SLC35F3: variants seen among roughly 807,000 people sequenced by gnomAD.
SLC35F3 encodes the protein putative thiamine transporter SLC35F3.
Under a neutral mutation model 49.9 loss-of-function variants are expected in SLC35F3, and 25 were observed. The observed-to-expected ratio is 0.50, with a 90% CI of 0.37 to 0.70. The LOEUF (loss-of-function observed/expected upper bound fraction) is 0.70, where lower values mean the gene tolerates loss of function less well. Among genes scored for constraint, SLC35F3 ranks in the 30% least tolerant of loss-of-function variants. The pLI is 0.00. For missense variants in SLC35F3, 525 were observed against 639.8 expected, an observed-to-expected ratio of 0.82 and a Z score of 1.94; for synonymous variants, 275 against 265.4, an observed-to-expected ratio of 1.04 and a Z score of -0.35.
intron 2 of SLC35F3, among the ~76,000 whole-genome samples, chr1:233,944,969 T>A (rs1328645423): frequency 6.6e-6 from 1 of 151,910 alleles, no homozygotes; most frequent in Non-Finnish European, 1.5e-5. Flanking sequence ...TGGTTGTGCA[T>A]CCTAGGAGGT....
chr1:234,058,302 AT>A (rs1664485138), intron 2 of SLC35F3, among the ~76,000 whole-genome samples: 1 of 105,262 alleles, frequency 9.5e-6, no homozygotes, highest in East Asian at 3.0e-4. Context: ...GTTATGGTGT[AT>A]AATTGTCTTT....
intron 2 of SLC35F3, among the ~76,000 whole-genome samples, chr1:234,173,657 G>C (rs1049396717): frequency 6.6e-6 from 1 of 152,224 alleles, no homozygotes; most frequent in African/African-American, 2.4e-5. Context: ...CCACAATGTG[G>C]ATTCGAATGC....
At chr1:234,116,384 A>G (rs1029928897) in intron 2 of SLC35F3, among the ~76,000 whole-genome samples, 3 of 152,074 alleles carry the variant, frequency 2.0e-5, no homozygotes, top group Admixed American at 6.5e-5. Context: ...GACCAAATAA[A>G]TATTTCTTAT....
intron 2 of SLC35F3, among the ~76,000 whole-genome samples, chr1:234,071,181 A>G (rs1001861938): frequency 1.3e-5 from 2 of 152,238 alleles, no homozygotes; most frequent in South Asian, 2.1e-4. Context: ...GAATCTATCA[A>G]TAATATCGCT....
At chr1:233,954,504 C>T (rs1249814880) in intron 2 of SLC35F3, among the ~76,000 whole-genome samples, 1 of 152,216 alleles carries the variant, frequency 6.6e-6, no homozygotes, top group Non-Finnish European at 1.5e-5. Flanking sequence ...CTCCTTGTCA[C>T]TCTAATGTGA....
intron 2 of SLC35F3, among the ~76,000 whole-genome samples, chr1:233,930,313 G>A (rs1213102734): frequency 6.6e-6 from 1 of 152,156 alleles, no homozygotes; most frequent in East Asian, 1.9e-4. Context: ...CTAATGAACA[G>A]AATTGTCTCT....
intron 2 of SLC35F3, among the ~76,000 whole-genome samples, chr1:233,909,201 G>A (rs1661829713): frequency 6.6e-6 from 1 of 152,122 alleles, no homozygotes; most frequent in African/African-American, 2.4e-5. Flanking sequence ...GGTCTGAAAG[G>A]GATGGCTTTT....
intron 2 of SLC35F3, among the ~76,000 whole-genome samples, chr1:234,075,755 AGCT>A (rs1664781558): frequency 1.3e-5 from 2 of 152,254 alleles, no homozygotes; most frequent in Non-Finnish European, 2.9e-5. Flanking sequence ...TCTTGCAAGA[AGCT>A]GCCTTTCCTT....
At chr1:233,921,855 C>A (rs1014515115) in intron 2 of SLC35F3, among the ~76,000 whole-genome samples, 32 of 149,884 alleles carry the variant, frequency 2.1e-4, no homozygotes, top group Non-Finnish European at 3.8e-4. Context: ...TACAAGTGTC[C>A]ATTGTTCAAT....
chr1:234,103,414 G>A (rs1665241076), intron 2 of SLC35F3, among the ~76,000 whole-genome samples: 1 of 152,130 alleles, frequency 6.6e-6, no homozygotes, highest in African/African-American at 2.4e-5. Context: ...GGGTGAGGTG[G>A]CCGAGTCCAC....
chr1:234,149,360 T>C (rs143242450), intron 2 of SLC35F3, among the ~76,000 whole-genome samples: 105 of 152,354 alleles, frequency 6.9e-4, no homozygotes, highest in African/African-American at 2.4e-3. Context: ...GCGTAATCTT[T>C]CTCACAGCGC....
intron 2 of SLC35F3, among the ~76,000 whole-genome samples, chr1:233,936,133 A>C (rs985461928): frequency 6.6e-6 from 1 of 152,248 alleles, no homozygotes; most frequent in African/African-American, 2.4e-5. Flanking sequence ...GCTGGTAAAA[A>C]GACCAGAGAA....
chr1:234,069,383 A>G (rs1268181761), intron 2 of SLC35F3, among the ~76,000 whole-genome samples: 1 of 150,906 alleles, frequency 6.6e-6, no homozygotes, highest in Non-Finnish European at 1.5e-5. Flanking sequence ...TCAGCCTCCT[A>G]AGTAGCTGGG....
chr1:234,288,643 C>T (rs1160358238), intron 3 of SLC35F3, among the ~76,000 whole-genome samples: 1 of 152,204 alleles, frequency 6.6e-6, no homozygotes, highest in Non-Finnish European at 1.5e-5. Context: ...AGCCTCTTTG[C>T]TGATTGCTCA....
intron 2 of SLC35F3, among the ~76,000 whole-genome samples, chr1:234,003,940 A>T (rs938313305): frequency 6.6e-6 from 1 of 152,192 alleles, no homozygotes; most frequent in Non-Finnish European, 1.5e-5. Flanking sequence ...AGAATTTAGC[A>T]GTGTGATAAT....
intron 2 of SLC35F3, among the ~76,000 whole-genome samples, chr1:233,908,077 G>T (rs1416910186): frequency 2.0e-5 from 3 of 151,908 alleles, no homozygotes; most frequent in Non-Finnish European, 4.4e-5. Context: ...CTACTCAATT[G>T]ATAATAATAA....
intron 2 of SLC35F3, among the ~76,000 whole-genome samples, chr1:233,951,852 A>T (rs1662612967): frequency 6.6e-6 from 1 of 152,130 alleles, no homozygotes; most frequent in Non-Finnish European, 1.5e-5. Flanking sequence ...GATTATAGGC[A>T]TGAACCACCA....
chr1:233,913,315 C>T (rs938995211), intron 2 of SLC35F3, among the ~76,000 whole-genome samples: 1 of 152,192 alleles, frequency 6.6e-6, no homozygotes, highest in African/African-American at 2.4e-5. Flanking sequence ...CAGTACATTA[C>T]AGTACCAGTC....
chr1:233,905,064 C>G lies in SLC35F3; in HGVS notation c.-14C>G. ...TCAAGTCTGGGAGCTGCCGGTCCCACTCTGTCTTTGCCTATGGGGATTCGA... is the reference window on the plus strand; with the variant it reads ...TCAAGTCTGGGAGCTGCCGGTCCCAGTCTGTCTTTGCCTATGGGGATTCGA... On this transcript the variant is annotated 5_prime_UTR_variant, in exon 1 of 8. Coordinates refer to ENST00000366618, the MANE Select transcript of SLC35F3 (RefSeq NM_173508.4). 6.4e-7 allele frequency: 1 copy of G among 1,558,516 alleles called. No individual in the cohort carries two copies. The highest frequency in any genetic ancestry group is 2.4e-5 in the East Asian group (1 of 42,378).
Sources: allele counts gnomAD v4.1 joint callset (sites outside exome capture counted in the v4.1 genomes callset), GRCh38; gene constraint gnomAD v4.1.1; transcripts MANE v1.5; gene names NCBI Gene and HGNC (gene_info 2026-07-23, HGNC 2026-07-21).